The following DGKD variants were observed in gnomAD, a reference collection of about 807,000 sequenced individuals.
DGKD encodes DAG kinase delta.
Under a neutral mutation model 154.4 loss-of-function variants are expected in DGKD, and 68 were observed. That is an observed-to-expected ratio of 0.44 (90% confidence interval 0.36 to 0.54). The LOEUF (loss-of-function observed/expected upper bound fraction) is 0.54. Among genes scored for constraint, DGKD ranks in the 20% least tolerant of loss-of-function variants. The pLI, the probability that DGKD is intolerant of heterozygous loss-of-function variation, is 0.00. For missense variants in DGKD, 1,343 were observed against 1,593.6 expected, an observed-to-expected ratio of 0.84 and a Z score of 2.68; for synonymous variants, 693 against 638.0, an observed-to-expected ratio of 1.09 and a Z score of -1.30.
At chr2:233,421,201 C>A (rs1342986902) in intron 3 of DGKD, among the ~76,000 whole-genome samples, 1 of 152,182 alleles carries the variant, frequency 6.6e-6, no homozygotes, top group Non-Finnish European at 1.5e-5. Flanking sequence ...GGCCCTGCCG[C>A]CACCCCAGCT....
At chr2:233,429,529 C>T (rs1041209687) in intron 3 of DGKD, among the ~76,000 whole-genome samples, 19 of 152,140 alleles carry the variant, frequency 1.2e-4, no homozygotes, top group African/African-American at 3.6e-4. Context: ...CCCACTTTGT[C>T]GTCTTCATGG....
At chr2:233,391,385 C>T (rs935010928) in intron 3 of DGKD, among the ~76,000 whole-genome samples, 3 of 150,232 alleles carry the variant, frequency 2.0e-5, no homozygotes, top group African/African-American at 7.5e-5. Flanking sequence ...TCATGCTGAA[C>T]CTTTTGGTTT....
At position 233,467,105 on chromosome 2, in the gene DGKD, C is replaced by G; in HGVS notation, c.3326C>G (p.Ala1109Gly). ...GDEESVMLDL[A>G]KRSRSGKFRL... ...CAACAGAGTGTGATGCTGGATCTTG[C>G]CAAGCGCAGTCGCAGTGGTAAATTC... Residue 1109 changes from alanine (A) to glycine (G), a missense_variant, in exon 28 of 30, where the codon GCC becomes GGC. Physicochemically the swap from Ala to Gly is moderately conservative, Grantham distance 60. Around this residue, in one of 6 missense-constraint regions of DGKD, gnomAD observed 429 missense variants for 496.3 expected, o/e 0.86. Coordinates refer to ENST00000264057, the MANE Select transcript of DGKD (RefSeq NM_152879.3). The G allele has an allele frequency of 6.2e-7, 1 of 1,614,000 alleles. No individual in the cohort carries two copies. The highest frequency in any genetic ancestry group is 8.5e-7 in the Non-Finnish European group (1 of 1,179,870).
At position 233,456,171 on chromosome 2, in the gene DGKD, A is replaced by G. The variant is rs563769267; in HGVS notation, c.2376-728A>G. On this transcript the variant is annotated intron_variant, in intron 19 of 29. Coordinates refer to ENST00000264057, the MANE Select transcript of DGKD (RefSeq NM_152879.3). ...GTCATTGGAAATTTCTGCAGAAGTC[A>G]TTGGAAATGTTGGTTGACGTAGGTA... 1.8e-4 allele frequency among the ~76,000 whole-genome samples: 28 copies of G among 152,332 alleles called. No individual in the cohort carries two copies. The East Asian group carries it at 5.4e-3, about 29-fold the overall frequency.
intron 12 of DGKD, chr2:233,447,382 G>A (rs1289862459): frequency 6.2e-6 from 4 of 642,570 alleles, no homozygotes; most frequent in Non-Finnish European, 5.8e-6. Context: ...GTGCTGGGTG[G>A]GGTAGTACAA....
intron 24 of DGKD, among the ~76,000 whole-genome samples, chr2:233,461,071 C>T (rs1235847040): frequency 2.0e-5 from 3 of 151,866 alleles, no homozygotes; most frequent in Non-Finnish European, 4.4e-5. Context: ...CACCTGCCTT[C>T]TAGAAACACC....
chr2:233,388,257 A>T lies in DGKD; in HGVS notation c.157A>T (p.Thr53Ser). 1.9e-6 allele frequency: 3 copies of T among 1,612,330 alleles called. No individual in the cohort carries two copies. The highest frequency in any genetic ancestry group is 2.5e-6 in the Non-Finnish European group (3 of 1,179,560). ...TATGAATATGTTTCTGTACTTTCAG[A>T]CCATCATCAAAGAGGGGATGCTGAC... The part of the protein sequence containing the change: ...VSTSGQIRQK[T>S]IIKEGMLTKQ... The change falls in exon 2 of 30, where the codon ACC becomes TCC. Residue 53 changes from threonine to serine, a missense_variant and splice_region_variant. Physicochemically the swap from Thr to Ser is moderately conservative, Grantham distance 58. Coordinates refer to ENST00000264057, the MANE Select transcript of DGKD (RefSeq NM_152879.3).
intron 3 of DGKD, among the ~76,000 whole-genome samples, chr2:233,402,680 G>C (rs910590014): frequency 6.6e-6 from 1 of 152,212 alleles, no homozygotes; most frequent in Non-Finnish European, 1.5e-5. Flanking sequence ...GTTAGCCCCT[G>C]TGCTCTGTGT....
intron 3 of DGKD, among the ~76,000 whole-genome samples, chr2:233,393,329 GTTTCCTTTTT>G (rs1703761900): frequency 1.0e-5 from 1 of 98,828 alleles, no homozygotes; most frequent in Non-Finnish European, 2.0e-5. Context: ...CGCCTGGCCT[GTTTCCTTTTT>G]TTTTTTTTTT....
chr2:233,399,389 A>G (rs962734843), intron 3 of DGKD, among the ~76,000 whole-genome samples: 11 of 152,200 alleles, frequency 7.2e-5, no homozygotes, highest in Non-Finnish European at 1.6e-4. Context: ...CTGGGACCAG[A>G]TGCTGGGCCT....
In DGKD at chr2:233,384,684, C is replaced by A. The variant is rs114846252; in HGVS notation, c.157-3573C>A. On this transcript the variant is annotated intron_variant, in intron 1 of 29. Transcript: ENST00000264057. ...CATGCCTGTGTCCATCTCTCCCCTG[C>A]CACCCCAGACTCTTGTCATCAGCTC... is the stretch of plus-strand genomic sequence containing the variant. 6.2e-3 allele frequency among the ~76,000 whole-genome samples: 942 copies of A among 152,278 alleles called. 9 individuals are homozygous for A. Among genetic ancestry groups the A allele is most frequent in the African/African-American group, 0.021 (879 of 41,546 alleles).
rs2063764201 is a variant in DGKD at position 233,464,371 on chromosome 2, C to G, written c.3306+88C>G. On this transcript the variant is annotated intron_variant, in intron 27 of 29. Transcript: ENST00000264057. ...TGTGTTCCTTGTGACCCGTGTGGCTCTGGGATCAAGATCGTGTCGCTCCGG... is the reference window on the plus strand; with the variant it reads ...TGTGTTCCTTGTGACCCGTGTGGCTGTGGGATCAAGATCGTGTCGCTCCGG... The G allele has an allele frequency of 1.1e-5, 17 of 1,544,940 alleles. No homozygotes were observed. The South Asian group carries it at 1.7e-4, about 16-fold the overall frequency.
chr2:233,364,034 G>T (rs1286488483), intron 1 of DGKD, among the ~76,000 whole-genome samples: 1 of 152,180 alleles, frequency 6.6e-6, no homozygotes, highest in African/African-American at 2.4e-5. Context: ...AGGTTGCAGT[G>T]AGTCGAGATC....
chr2:233,401,018 CA>C (rs1361854516), intron 3 of DGKD, among the ~76,000 whole-genome samples: 4 of 152,090 alleles, frequency 2.6e-5, no homozygotes, highest in Non-Finnish European at 4.4e-5. Context: ...CCCAAGGCAG[CA>C]GGACTGGGCT....
intron 1 of DGKD, among the ~76,000 whole-genome samples, chr2:233,368,294 G>A (rs1246234502): frequency 6.6e-6 from 1 of 152,066 alleles, no homozygotes; most frequent in East Asian, 1.9e-4. Flanking sequence ...GCGATCACTT[G>A]AGGTCAGGAG....
intron 1 of DGKD, among the ~76,000 whole-genome samples, chr2:233,384,775 C>T (rs145700533): frequency 6.2e-4 from 94 of 152,286 alleles, no homozygotes; most frequent in African/African-American, 2.2e-3. Context: ...CTTTCCCACA[C>T]TGTGGCCACA....
At position 233,459,776 on chromosome 2, in the gene DGKD, C is replaced by T; in HGVS notation, c.2714C>T (p.Ser905Phe). Residue 905 changes from serine (S) to phenylalanine (F), a missense_variant, in exon 23 of 30, where the codon TCC becomes TTC. Physicochemically the swap from Ser to Phe is radical, Grantham distance 155 (BLOSUM62 -2). This residue lies in a region of DGKD where 429 missense variants were observed against 496.3 expected (regional missense o/e 0.86). Coordinates refer to ENST00000264057, the MANE Select transcript of DGKD (RefSeq NM_152879.3). The surrounding 1 kb of genome is among the most constrained non-coding windows in gnomAD (Gnocchi z 5.7). ...GCTCAGTGTCGCACGGTGAAGATCTCCATCCTTGGGGATGAGGGCGTGCCT... is the reference window on the plus strand; with the variant it reads ...GCTCAGTGTCGCACGGTGAAGATCTTCATCCTTGGGGATGAGGGCGTGCCT... ...RIAQCRTVKI[S>F]ILGDEGVPVQ... 1.2e-6 allele frequency: 2 copies of T among 1,613,984 alleles called. No homozygotes were observed. The highest frequency in any genetic ancestry group is 1.7e-6 in the Non-Finnish European group (2 of 1,179,954).
intron 1 of DGKD, among the ~76,000 whole-genome samples, chr2:233,384,968 G>T (rs777535674): frequency 1.3e-5 from 2 of 152,144 alleles, no homozygotes; most frequent in Non-Finnish European, 2.9e-5. Flanking sequence ...GAGCACTCTG[G>T]TGTGTACACA....
chr2:233,406,767 A>T (rs2061696025), intron 3 of DGKD, among the ~76,000 whole-genome samples: 2 of 152,304 alleles, frequency 1.3e-5, no homozygotes, highest in South Asian at 4.1e-4. Context: ...GAGCTCTTGT[A>T]TGACTTCTCC....
Sources: allele counts gnomAD v4.1 joint callset (sites outside exome capture counted in the v4.1 genomes callset), GRCh38; gene constraint gnomAD v4.1.1; regional missense constraint gnomAD v4.1.1; non-coding constraint Gnocchi (gnomAD v3.1); transcripts MANE v1.5; gene names NCBI Gene and HGNC (gene_info 2026-07-23, HGNC 2026-07-21).